OTUD3: variants seen among roughly 807,000 people sequenced by gnomAD.
The protein encoded by OTUD3 is OTU deubiquitinase 3.
Under a neutral mutation model 46.2 loss-of-function variants are expected in OTUD3, and 24 were observed. That is an observed-to-expected ratio of 0.52 (90% confidence interval 0.38 to 0.73). The LOEUF (loss-of-function observed/expected upper bound fraction) is 0.73, where lower values mean the gene tolerates loss of function less well. Ranked by LOEUF, OTUD3 falls within the 30% of genes least tolerant of loss-of-function variation. The pLI, the probability that OTUD3 is intolerant of heterozygous loss-of-function variation, is 0.00. For missense variants in OTUD3, 455 were observed against 523.3 expected, an observed-to-expected ratio of 0.87 and a Z score of 1.27; for synonymous variants, 189 against 195.4, an observed-to-expected ratio of 0.97 and a Z score of 0.27.
chr1:19,887,844 C>T (rs1446455909), intron 1 of OTUD3, among the ~76,000 whole-genome samples: 5 of 152,164 alleles, frequency 3.3e-5, no homozygotes, highest in African/African-American at 1.2e-4. Flanking sequence ...TCTGGTCTGA[C>T]CCCAAATAAT....
chr1:19,882,912 G>T (rs903340567), intron 1 of OTUD3, among the ~76,000 whole-genome samples, 178 bp downstream of exon 1: 1 of 152,226 alleles, frequency 6.6e-6, no homozygotes, highest in Admixed American at 6.5e-5. Context: ...CAAGCCCCTC[G>T]CCCCGAGACG....
chr1:19,904,504 C>A, intron 5 of OTUD3, 106 bp downstream of exon 5: 2 of 942,950 alleles, frequency 2.1e-6, no homozygotes, highest in Non-Finnish European at 3.2e-6. Flanking sequence ...CCTTGTGGGC[C>A]AAAATAGGCC....
intron 7 of OTUD3, among the ~76,000 whole-genome samples, chr1:19,907,130 T>A (rs2045671416): frequency 6.6e-6 from 1 of 152,220 alleles, no homozygotes; most frequent in African/African-American, 2.4e-5. Flanking sequence ...ATGTGACATC[T>A]TCCATTTTAC....
In OTUD3 at chr1:19,894,431, A is replaced by G. The variant is rs1330352962; in HGVS notation, c.434A>G (p.Asn145Ser). Reference protein sequence around the residue: ...GNDAIVAFARNHQLNVVIHQL... With the variant: ...GNDAIVAFARSHQLNVVIHQL... ...GATGCAATTGTAGCCTTTGCAAGAA[A>G]TCATCAGTTGAATGTAGTGATTCAT... is the stretch of plus-strand genomic sequence containing the variant. Residue 145 changes from asparagine to serine, a missense_variant, in exon 3 of 8, where the codon AAT becomes AGT. Coordinates refer to ENST00000375120, the MANE Select transcript of OTUD3 (RefSeq NM_015207.2). The G allele has an allele frequency of 1.9e-6, 3 of 1,611,660 alleles. No homozygotes were observed. Among genetic ancestry groups the G allele is most frequent in the Non-Finnish European group, 2.5e-6 (3 of 1,178,888 alleles).
rs1215164366 is a variant in OTUD3 at position 19,882,470 on chromosome 1, C to T, written c.-44C>T. ...ACGCTTGAGGCGGACGCTGGGGGGT[C>T]CTGCGCCTTTCCCTCCTGCCGCTGG... On this transcript the variant is annotated 5_prime_UTR_variant, in exon 1 of 8. Coordinates refer to ENST00000375120, the MANE Select transcript of OTUD3 (RefSeq NM_015207.2). 5.2e-6 allele frequency: 7 copies of T among 1,340,944 alleles called. No homozygotes were observed. Among genetic ancestry groups the T allele is most frequent in the Non-Finnish European group, 6.7e-6 (7 of 1,051,694 alleles). The allele number at this position is 1,340,944 out of a possible 1,614,324, so 83.1% of individuals were successfully genotyped here.
At chr1:19,904,821 AG>A (rs2045635621) in intron 5 of OTUD3, 69 bp from the exon 6 acceptor site, 1 of 740,256 alleles carries the variant, frequency 1.4e-6, no homozygotes, top group Non-Finnish European at 2.4e-6. Context: ...TGATTATTGA[AG>A]TAGAGCTAGG....
intron 3 of OTUD3, among the ~76,000 whole-genome samples, chr1:19,895,397 C>T (rs555558770): frequency 1.3e-5 from 2 of 152,296 alleles, no homozygotes; most frequent in East Asian, 1.9e-4. Context: ...AGTCTACTCT[C>T]GAAAAAGTTA....
chr1:19,892,082 C>T (rs2045454583), intron 2 of OTUD3, among the ~76,000 whole-genome samples: 1 of 152,110 alleles, frequency 6.6e-6, no homozygotes, highest in African/African-American at 2.4e-5. Flanking sequence ...TGGGGTGTTA[C>T]AGGATAGGGA....
At chr1:19,906,647 G>C (rs2045665520) in intron 7 of OTUD3, 31 bp downstream of exon 7, 1 of 1,553,102 alleles carries the variant, frequency 6.4e-7, no homozygotes, top group Non-Finnish European at 8.8e-7. Context: ...TGGGCAGGTG[G>C]TGGGCAGGTG....
In OTUD3 at chr1:19,907,567, C is replaced by A. The variant is rs747657116; in HGVS notation, c.1021-3C>A. The A allele has an allele frequency of 6.2e-7, 1 of 1,613,834 alleles. No homozygotes were observed. Among genetic ancestry groups the A allele is most frequent in the South Asian group, 1.1e-5 (1 of 91,046 alleles). On this transcript the variant is annotated splice_polypyrimidine_tract_variant and splice_region_variant and intron_variant, in intron 7 of 7. Transcript: ENST00000375120. ...TACTCACCACCATGGCCTTCTCTCT[C>A]AGGTCACAAACAAACAGAGGCGAGA...
In OTUD3 at chr1:19,897,599, G is replaced by A. The variant is rs377537403; in HGVS notation, c.543G>A (p.Glu181=). Residue 181 remains glutamate (E), a synonymous_variant, in exon 4 of 8, where the codon GAG becomes GAA. Transcript: ENST00000375120. ...RELHIAYRYG[E]HYDSVRRIND... is the part of the protein sequence containing the mutation. ...TACACATCGCATATCGGTATGGAGA[G>A]CACTACGACAGTGTTCGGAGGATCA... The A allele has an allele frequency of 1.8e-5, 29 of 1,614,054 alleles. No individual in the cohort carries two copies. The highest frequency in any genetic ancestry group is 1.5e-4 in the South Asian group (14 of 91,086).
Position 19,907,734 on chromosome 1 carries a change from T to C in OTUD3, c.1185T>C (p.Ala395=), listed in dbSNP as rs1464401528. 6.2e-7 allele frequency: 1 copy of C among 1,614,000 alleles called. No homozygotes were observed. The highest frequency in any genetic ancestry group is 8.5e-7 in the Non-Finnish European group (1 of 1,179,990). ...TCACCTTGGTGAAGACCTTCGCCGC[T>C]CTCAACATCTGACTCTTTGGCCTCT... is the stretch of plus-strand genomic sequence containing the variant. ...TQVTLVKTFA[A]LNI Residue 395 remains alanine (A), a synonymous_variant, in exon 8 of 8, where the codon GCT becomes GCC. Coordinates refer to ENST00000375120, the MANE Select transcript of OTUD3 (RefSeq NM_015207.2).
chr1:19,903,921 C>T (rs887886083), intron 4 of OTUD3, among the ~76,000 whole-genome samples: 17 of 152,302 alleles, frequency 1.1e-4, no homozygotes, highest in Admixed American at 1.1e-3. Flanking sequence ...TATAGAGGAT[C>T]GTTTTCTGTT....
chr1:19,888,181 TCTC>T (rs1249391861), intron 1 of OTUD3, among the ~76,000 whole-genome samples: 1 of 152,140 alleles, frequency 6.6e-6, no homozygotes, highest in East Asian at 1.9e-4. Flanking sequence ...GGCCAAGTAT[TCTC>T]CTAAACTTCC....
chr1:19,909,845 T>C lies in OTUD3; in HGVS notation c.*2099T>C, dbSNP rs555220235. On this transcript the variant is annotated 3_prime_UTR_variant, in exon 8 of 8. Coordinates refer to ENST00000375120, the MANE Select transcript of OTUD3 (RefSeq NM_015207.2). ...ATTTATTTTTTAAATTACCTAATTC[T>C]GGTAATAGGCTTCAGCATTTCTGGA... 6.6e-6 allele frequency: 1 copy of C among 152,514 alleles called. No homozygotes were observed. The highest frequency in any genetic ancestry group is 1.5e-5 in the Non-Finnish European group (1 of 68,044). 9.4% of individuals were successfully genotyped at this position (152,514 alleles called of 1,614,324 possible).
intron 1 of OTUD3, among the ~76,000 whole-genome samples, chr1:19,886,642 T>G (rs2045365646): frequency 6.6e-6 from 1 of 152,238 alleles, no homozygotes; most frequent in African/African-American, 2.4e-5. Flanking sequence ...GATTCTTATA[T>G]GCATCCATAA....
chr1:19,897,242 A>C (rs1466097943), intron 3 of OTUD3, among the ~76,000 whole-genome samples: 3 of 152,164 alleles, frequency 2.0e-5, no homozygotes, highest in Non-Finnish European at 4.4e-5. Context: ...AGGGGCTCAG[A>C]GGTAATACAG....
chr1:19,897,472 G>A, intron 3 of OTUD3, 68 bp from the exon 4 acceptor site: 1 of 1,560,418 alleles, frequency 6.4e-7, no homozygotes, highest in Non-Finnish European at 8.8e-7. Context: ...CAGTCCAGGT[G>A]GGTGTTTCTC....
intron 2 of OTUD3, among the ~76,000 whole-genome samples, chr1:19,891,265 A>G (rs934659709): frequency 1.1e-4 from 17 of 152,260 alleles, no homozygotes; most frequent in Non-Finnish European, 2.1e-4. Context: ...TAGAAAATGC[A>G]TATGAACTTG....
Sources: allele counts gnomAD v4.1 joint callset (sites outside exome capture counted in the v4.1 genomes callset), GRCh38; gene constraint gnomAD v4.1.1; transcripts MANE v1.5; gene names NCBI Gene and HGNC (gene_info 2026-07-23, HGNC 2026-07-21).